The following DNM2 variants were observed in gnomAD, a reference collection of about 807,000 sequenced individuals.
DNM2 encodes the protein dynamin-2.
A neutral mutation model predicts 99.0 loss-of-function variants in DNM2; 15 were observed. The observed-to-expected ratio is 0.15, with a 90% CI of 0.10 to 0.23. The LOEUF (loss-of-function observed/expected upper bound fraction) is 0.23, where lower values mean the gene tolerates loss of function less well. Ranked by LOEUF, DNM2 falls within the 10% of genes least tolerant of loss-of-function variation. The pLI, the probability that DNM2 is intolerant of heterozygous loss-of-function variation, is 1.00. For synonymous variants in DNM2, 525 were observed against 481.2 expected, an observed-to-expected ratio of 1.09 and a Z score of -1.19; for missense variants, 742 against 1,189.4, an observed-to-expected ratio of 0.62 and a Z score of 5.53.
intron 1 of DNM2, 133 bp downstream of exon 1, chr19:10,718,536 G>A: frequency 2.5e-6 from 3 of 1,207,754 alleles, no homozygotes; most frequent in East Asian, 7.0e-5. Flanking sequence ...GGACGGGGTC[G>A]GGGAGGCGGG....
At position 10,831,280 on chromosome 19, in the gene DNM2, G is replaced by A. The variant is rs2073342431; in HGVS notation, c.*233G>A. On this transcript the variant is annotated 3_prime_UTR_variant, in exon 21 of 21. Coordinates refer to ENST00000389253, the MANE Select transcript of DNM2 (RefSeq NM_001005361.3). This position sits in a 1 kb window ranked among gnomAD's most constrained non-coding sequence, Gnocchi z 4.3. The stretch of plus-strand genomic sequence containing the variant: ...AGGGGGCGCTGGGGTGTTGCACTTT[G>A]GGGGATGGAGTCTCAGGGTGGCAGA... 4 of 1,298,256 alleles carry A rather than the reference G, an allele frequency of 3.1e-6. No homozygotes were observed. Among genetic ancestry groups the A allele is most frequent in the African/African-American group, 1.5e-5 (1 of 64,744 alleles). 80.4% of individuals were successfully genotyped at this position (1,298,256 alleles called of 1,614,324 possible).
rs200843089 is a variant in DNM2 at position 10,823,781 on chromosome 19, C to T, written c.1782-7C>T. The T allele has an allele frequency of 3.7e-6, 6 of 1,613,382 alleles. No homozygotes were observed. In the African/African-American group the frequency reaches 5.3e-5, roughly 14 times the overall value. ...GCTTGTGCCCCTCCTTCCCCACCCC[C>T]CCGCAGAAACGTCTACAAGGACCTG... On this transcript the variant is annotated splice_polypyrimidine_tract_variant and splice_region_variant and intron_variant, in intron 16 of 20. Coordinates refer to ENST00000389253, the MANE Select transcript of DNM2 (RefSeq NM_001005361.3).
chr19:10,808,600 G>A lies in DNM2; in HGVS notation c.1557+20G>A. ...ATCCTGGTAAGTACATGCTTAGTGT[G>A]GTAGCAAACATTAGAGAATCTAGTG... On this transcript the variant is annotated intron_variant, in intron 14 of 20. Transcript: ENST00000389253. 1.9e-6 allele frequency: 3 copies of A among 1,611,170 alleles called. No individual in the cohort carries two copies. Among genetic ancestry groups the A allele is most frequent in the Non-Finnish European group, 2.5e-6 (3 of 1,178,706 alleles).
chr19:10,810,715 G>C (rs1308642479), intron 14 of DNM2: 3 of 152,350 alleles, frequency 2.0e-5, no homozygotes, highest in Non-Finnish European at 4.4e-5. Context: ...TTTCTCTGGG[G>C]GAGCACCGAC....
chr19:10,727,048 G>A (rs1388210133), intron 1 of DNM2, among the ~76,000 whole-genome samples: 1 of 152,124 alleles, frequency 6.6e-6, no homozygotes, highest in South Asian at 2.1e-4. Context: ...TAAAACGATT[G>A]TATTTGCTCA....
At chr19:10,724,998 C>T (rs564222748) in intron 1 of DNM2, among the ~76,000 whole-genome samples, 23 of 152,334 alleles carry the variant, frequency 1.5e-4, no homozygotes, top group African/African-American at 4.6e-4. Flanking sequence ...ATCGGATGCC[C>T]GTTGGCTCCT....
chr19:10,792,711 G>A (rs1036122033), intron 7 of DNM2, among the ~76,000 whole-genome samples: 4 of 151,874 alleles, frequency 2.6e-5, no homozygotes, highest in Non-Finnish European at 4.4e-5. Context: ...AGATTCAAGC[G>A]GTTCTCCTGC....
intron 5 of DNM2, among the ~76,000 whole-genome samples, chr19:10,780,910 C>A (rs1599541182): frequency 6.6e-6 from 1 of 151,422 alleles, no homozygotes; most frequent in African/African-American, 2.4e-5. Flanking sequence ...CCCAGCTACT[C>A]GAGAGGCTGA....
intron 13 of DNM2, among the ~76,000 whole-genome samples, chr19:10,808,153 A>AAAAG (rs886081176): frequency 6.6e-6 from 1 of 151,650 alleles, no homozygotes; most frequent in Non-Finnish European, 1.5e-5. Flanking sequence ...AGGAAAAAAA[A>AAAAG]AAAGAAAGAA....
chr19:10,756,355 G>A (rs748195137), intron 1 of DNM2, among the ~76,000 whole-genome samples: 1 of 151,672 alleles, frequency 6.6e-6, no homozygotes, highest in African/African-American at 2.4e-5. Context: ...GAATGTTGGC[G>A]CCAGTGTCAC....
rs753175954 is a variant in DNM2 at position 10,825,136 on chromosome 19, A to G, written c.1973A>G (p.Asn658Ser). 10 of 1,614,124 alleles carry G rather than the reference A, an allele frequency of 6.2e-6. No homozygotes were observed. Among genetic ancestry groups the G allele is most frequent in the Non-Finnish European group, 7.6e-6 (9 of 1,180,052 alleles). Residue 658 changes from asparagine (N) to serine (S), a missense_variant, in exon 18 of 21, where the codon AAC becomes AGC. Transcript: ENST00000389253. Reference sequence around the variant, plus strand: ...GAGCGGCAGGTGGAGACCATTCGCAACCTGGTGGACTCATACGTGGCCATC... The same window carrying G: ...GAGCGGCAGGTGGAGACCATTCGCAGCCTGGTGGACTCATACGTGGCCATC... ...QLERQVETIR[N>S]LVDSYVAIIN...
chr19:10,737,110 T>C (rs2069557175), intron 1 of DNM2, among the ~76,000 whole-genome samples: 1 of 152,094 alleles, frequency 6.6e-6, no homozygotes. Context: ...ATCCTGTCAG[T>C]GCACTCCAGC....
chr19:10,725,270 T>A (rs1253428260), intron 1 of DNM2, among the ~76,000 whole-genome samples: 1 of 151,782 alleles, frequency 6.6e-6, no homozygotes, highest in Non-Finnish European at 1.5e-5. Flanking sequence ...ACATAGTGAA[T>A]CCCGATCTCT....
Position 10,830,082 on chromosome 19 carries a change from C to T in DNM2, c.2292-45C>T. 1.2e-6 allele frequency: 2 copies of T among 1,613,598 alleles called. No homozygotes were observed. Among genetic ancestry groups the T allele is most frequent in the Non-Finnish European group, 1.7e-6 (2 of 1,179,634 alleles). ...AGCCACAGTGGCATGGCGGGGGCTC[C>T]TACTCCATCTGTATCTGTAGCTCAC... On this transcript the variant is annotated intron_variant, in intron 19 of 20. Transcript: ENST00000389253. This position sits in a 1 kb window ranked among gnomAD's most constrained non-coding sequence, Gnocchi z 4.8.
chr19:10,731,654 C>T (rs922717549), intron 1 of DNM2, among the ~76,000 whole-genome samples: 4 of 152,216 alleles, frequency 2.6e-5, no homozygotes, highest in African/African-American at 9.6e-5. Context: ...GTGCCCGGCC[C>T]CCAGGTTGTT....
In DNM2 at chr19:10,812,826, A is replaced by G. The variant is rs1206656901; in HGVS notation, c.1671+449A>G. 1.3e-5 allele frequency among the ~76,000 whole-genome samples: 2 copies of G among 152,166 alleles called. No homozygotes were observed. Among genetic ancestry groups the G allele is most frequent in the African/African-American group, 4.8e-5 (2 of 41,432 alleles). On this transcript the variant is annotated intron_variant, in intron 15 of 20. Transcript: ENST00000389253. The surrounding 1 kb of genome is among the most constrained non-coding windows in gnomAD (Gnocchi z 4.0). The stretch of plus-strand genomic sequence containing the variant: ...AACAAACAAAAAACAACCGTAACCC[A>G]GGGCTGGAGAGCAGCCACCATGTGC...
At chr19:10,723,130 T>A (rs1316024061) in intron 1 of DNM2, among the ~76,000 whole-genome samples, 1 of 142,660 alleles carries the variant, frequency 7.0e-6, no homozygotes, top group African/African-American at 2.7e-5. Flanking sequence ...CACACCTGGC[T>A]AATTTTTTTT....
intron 1 of DNM2, among the ~76,000 whole-genome samples, chr19:10,753,991 G>A (rs758026897): frequency 4.6e-5 from 7 of 152,052 alleles, no homozygotes; most frequent in Non-Finnish European, 1.0e-4. Context: ...GAAAATATAT[G>A]TTTTCAAAAA....
intron 8 of DNM2, among the ~76,000 whole-genome samples, chr19:10,794,272 T>C (rs1599566428): frequency 6.6e-6 from 1 of 152,014 alleles, no homozygotes; most frequent in East Asian, 1.9e-4. Flanking sequence ...TGTCTACAAG[T>C]GTTTCTTTGT....
Sources: gnomAD v4.1 joint callset for allele counts (sites outside exome capture counted in the v4.1 genomes callset) on GRCh38, gnomAD v4.1.1 for gene constraint, Gnocchi (gnomAD v3.1) non-coding constraint, MANE v1.5 for transcripts, NCBI Gene and HGNC (gene_info 2026-07-23, HGNC 2026-07-21) for gene names.